The following OSBPL8 variants were observed in gnomAD, a reference collection of about 807,000 sequenced individuals.
OSBPL8 encodes oxysterol-binding protein-related protein 8.
A neutral mutation model predicts 125.5 loss-of-function variants in OSBPL8; 59 were observed. That is an observed-to-expected ratio of 0.47 (90% CI 0.38 to 0.58). The LOEUF is 0.58. OSBPL8 is among the 20% of genes least tolerant of loss of function. The pLI is 0.00. For synonymous variants in OSBPL8, 330 were observed against 338.9 expected, an observed-to-expected ratio of 0.97 and a Z score of 0.29; for missense variants, 758 against 1,047.8, an observed-to-expected ratio of 0.72 and a Z score of 3.82.
At chr12:76,526,862 G>C (rs1249483334) in intron 1 of OSBPL8, among the ~76,000 whole-genome samples, 1 of 151,596 alleles carries the variant, frequency 6.6e-6, no homozygotes, top group African/African-American at 2.4e-5. Flanking sequence ...TGTTGGCCAG[G>C]CTGGTCTCGA....
chr12:76,374,379 G>A (rs1467341807), intron 17 of OSBPL8, among the ~76,000 whole-genome samples: 1 of 152,054 alleles, frequency 6.6e-6, no homozygotes, highest in Non-Finnish European at 1.5e-5. Flanking sequence ...GAGAAGTGGG[G>A]TCTATATTTC....
At position 76,465,645 on chromosome 12, in the gene OSBPL8, T is replaced by C. The variant is rs138931656; in HGVS notation, c.43-5750A>G. On this transcript the variant is annotated intron_variant, in intron 2 of 23. Transcript: ENST00000261183. The stretch of plus-strand genomic sequence containing the variant: ...CACCATTTACAGTAATCTAAAGAAG[T>C]AACCTGTTTCAAACAGGGTAATAAA... Among the ~76,000 whole-genome samples, 87 of 152,252 alleles carry C rather than the reference T, an allele frequency of 5.7e-4. No individual in the cohort carries two copies. The East Asian group carries it at 0.015, about 26-fold the overall frequency.
chr12:76,354,153 T>C lies in OSBPL8; in HGVS notation c.*1736A>G, dbSNP rs1951907699. ...TAACAGAATGTGAATACAAAAATTA[T>C]ATTGACAAATATAAAATATAACCAA... On this transcript the variant is annotated 3_prime_UTR_variant, in exon 24 of 24. Transcript: ENST00000261183. 1 of 152,420 alleles carries C rather than the reference T, an allele frequency of 6.6e-6. No homozygotes were observed. Among genetic ancestry groups the C allele is most frequent in the Non-Finnish European group, 1.5e-5 (1 of 67,826 alleles). The allele number at this position is 152,420 out of a possible 1,614,324, so 9.4% of individuals were successfully genotyped here.
intron 1 of OSBPL8, among the ~76,000 whole-genome samples, chr12:76,555,248 G>A (rs773008339): frequency 2.0e-5 from 3 of 151,988 alleles, no homozygotes; most frequent in East Asian, 1.9e-4. Flanking sequence ...AACAAATTAC[G>A]TAGAGAAAAA....
At chr12:76,495,913 A>G (rs942872532) in intron 1 of OSBPL8, among the ~76,000 whole-genome samples, 5 of 152,276 alleles carry the variant, frequency 3.3e-5, no homozygotes, top group African/African-American at 1.2e-4. Context: ...TAAAATTTGT[A>G]TTAGAAAAAT....
intron 2 of OSBPL8, among the ~76,000 whole-genome samples, chr12:76,483,049 C>T (rs2136998719): frequency 6.6e-6 from 1 of 152,184 alleles, no homozygotes; most frequent in Admixed American, 6.5e-5. Flanking sequence ...ATCATGAGGT[C>T]AGCAGTTCAA....
intron 15 of OSBPL8, among the ~76,000 whole-genome samples, chr12:76,381,646 TA>T (rs1953058766): frequency 6.6e-6 from 1 of 152,196 alleles, no homozygotes; most frequent in Non-Finnish European, 1.5e-5. Flanking sequence ...TTTTGAAATC[TA>T]TTTTATTAAT....
At chr12:76,367,088 T>C (rs1952444970) in intron 21 of OSBPL8, among the ~76,000 whole-genome samples, 1 of 152,220 alleles carries the variant, frequency 6.6e-6, no homozygotes, top group South Asian at 2.1e-4. Context: ...AGTTAATCCC[T>C]TTCCTCCTTA....
Position 76,392,622 on chromosome 12 carries a change from G to C in OSBPL8, c.888C>G (p.Gly296=). The part of the protein sequence containing the change: ...SSDSTHVTFY[G]LLRANNLHSG... ...TGTGGAGATTGTTAGCACGTAGTAAGCCATAGAAAGTCACATGTGTGCTAT... is the reference window on the plus strand; with the variant it reads ...TGTGGAGATTGTTAGCACGTAGTAACCCATAGAAAGTCACATGTGTGCTAT... The change falls in exon 10 of 24, where the codon GGC becomes GGG. Residue 296 remains glycine (G), a synonymous_variant. Coordinates refer to ENST00000261183, the MANE Select transcript of OSBPL8 (RefSeq NM_020841.5). The C allele has an allele frequency of 6.2e-7, 1 of 1,613,888 alleles. No homozygotes were observed.
chr12:76,516,113 TGGA>T (rs1238456721), intron 1 of OSBPL8, among the ~76,000 whole-genome samples: 1 of 152,176 alleles, frequency 6.6e-6, no homozygotes, highest in Non-Finnish European at 1.5e-5. Context: ...GAAAAAGCAG[TGGA>T]GAAGTTCAGG....
At chr12:76,458,518 C>T (rs1874332296) in intron 3 of OSBPL8, among the ~76,000 whole-genome samples, 3 of 151,910 alleles carry the variant, frequency 2.0e-5, no homozygotes, top group East Asian at 1.9e-4. Context: ...AGTGAGACCA[C>T]ATCTTTACAA....
intron 4 of OSBPL8, among the ~76,000 whole-genome samples, chr12:76,439,540 T>C (rs1395876177): frequency 6.6e-6 from 1 of 152,112 alleles, no homozygotes; most frequent in African/African-American, 2.4e-5. Flanking sequence ...GGGGAGAGTG[T>C]TTTTATAATC....
At chr12:76,390,768 G>T in intron 10 of OSBPL8, 111 bp from the exon 11 acceptor site, 1 of 682,676 alleles carries the variant, frequency 1.5e-6, no homozygotes, top group Non-Finnish European at 2.5e-6. Flanking sequence ...GCCAGACAGT[G>T]TTCTAAGTGT....
At chr12:76,420,294 A>G (rs1869301411) in intron 4 of OSBPL8, among the ~76,000 whole-genome samples, 2 of 152,184 alleles carry the variant, frequency 1.3e-5, no homozygotes, top group Admixed American at 6.5e-5. Flanking sequence ...ACTAAAATGT[A>G]CAATCTATAG....
chr12:76,392,633 T>C lies in OSBPL8; in HGVS notation c.877A>G (p.Thr293Ala), dbSNP rs932499016. ...TTAGCACGTAGTAAGCCATAGAAAG[T>C]CACATGTGTGCTATCTGATGAAACG... The part of the protein sequence containing the change: ...LSVSSDSTHV[T>A]FYGLLRANNL... The change falls in exon 10 of 24, where the codon ACT (threonine) becomes GCT (alanine). Residue 293 changes from threonine to alanine, a missense_variant. Physicochemically the swap from Thr to Ala is moderately conservative, Grantham distance 58. Coordinates refer to ENST00000261183, the MANE Select transcript of OSBPL8 (RefSeq NM_020841.5). The C allele has an allele frequency of 1.2e-6, 2 of 1,613,966 alleles. No homozygotes were observed. Among genetic ancestry groups the C allele is most frequent in the Non-Finnish European group, 1.7e-6 (2 of 1,179,860 alleles).
intron 2 of OSBPL8, 125 bp downstream of exon 2, chr12:76,487,385 A>G (rs1184223466): frequency 2.9e-6 from 2 of 701,586 alleles, no homozygotes; most frequent in East Asian, 3.2e-5. Context: ...AAGGAGTTAA[A>G]GCATTATTTT....
chr12:76,370,865 C>A (rs895595261), intron 19 of OSBPL8, among the ~76,000 whole-genome samples: 1 of 152,156 alleles, frequency 6.6e-6, no homozygotes, highest in Non-Finnish European at 1.5e-5. Context: ...ATACATAAGT[C>A]TCTTTCTCTT....
At chr12:76,440,942 T>C (rs1032427480) in intron 4 of OSBPL8, among the ~76,000 whole-genome samples, 3 of 152,188 alleles carry the variant, frequency 2.0e-5, no homozygotes, top group African/African-American at 4.8e-5. Context: ...ACAATTCACA[T>C]TGTAAATTTC....
chr12:76,530,944 A>G (rs1950322165), intron 1 of OSBPL8, among the ~76,000 whole-genome samples: 1 of 152,252 alleles, frequency 6.6e-6, no homozygotes, highest in Non-Finnish European at 1.5e-5. Context: ...ACCCAACTAT[A>G]GACATAATAA....
Sources: gnomAD v4.1 joint callset for allele counts (sites outside exome capture counted in the v4.1 genomes callset) on GRCh38, gnomAD v4.1.1 for gene constraint, MANE v1.5 for transcripts, NCBI Gene and HGNC (gene_info 2026-07-23, HGNC 2026-07-21) for gene names.